Variants in TMC1 observed in about 807,000 individuals in gnomAD.
TMC1 encodes transmembrane channel-like protein 1.
In TMC1, 84 loss-of-function variants were observed where a neutral mutation model predicts 105.8. That is an observed-to-expected ratio of 0.79 (90% CI 0.67 to 0.95). The LOEUF is 0.95. TMC1 is among the 40% of genes least tolerant of loss of function. TMC1 has a pLI of 0.00. For missense variants in TMC1, 817 were observed against 914.1 expected (o/e 0.89, Z 1.37); for synonymous variants, 315 against 311.5 (o/e 1.01, Z -0.12).
chr9:72,592,442 T>G (rs1335022620), intron 2 of TMC1, among the ~76,000 whole-genome samples: 1 of 152,210 alleles, frequency 6.6e-6, no homozygotes, highest in Non-Finnish European at 1.5e-5. Context: ...CCTCTTTTTG[T>G]TGGTTCCACT....
intron 4 of TMC1, among the ~76,000 whole-genome samples, chr9:72,635,059 C>A (rs2132138433): frequency 6.6e-6 from 1 of 152,142 alleles, no homozygotes; most frequent in Non-Finnish European, 1.5e-5. Flanking sequence ...CAGTTTAAGA[C>A]CAGCCTGGCC....
intron 1 of TMC1, among the ~76,000 whole-genome samples, chr9:72,556,763 A>C (rs2132075719): frequency 6.6e-6 from 1 of 152,202 alleles, no homozygotes; most frequent in South Asian, 2.1e-4. Flanking sequence ...CGGAGGTTGC[A>C]GTGAGCCAGA....
chr9:72,746,648 C>G (rs1259996428), intron 10 of TMC1, among the ~76,000 whole-genome samples: 3 of 152,194 alleles, frequency 2.0e-5, no homozygotes, highest in Non-Finnish European at 2.9e-5. Flanking sequence ...TTTGCAGAAT[C>G]AAGAGCGGGA....
chr9:72,745,333 G>A (rs897271898), intron 10 of TMC1, among the ~76,000 whole-genome samples: 3 of 152,234 alleles, frequency 2.0e-5, no homozygotes, highest in Middle Eastern at 3.4e-3. Flanking sequence ...GGTTCAAAAC[G>A]TATGCTTTTC....
In TMC1 at chr9:72,789,217, C is replaced by G; in HGVS notation, c.1124C>G (p.Thr375Arg). 1 of 1,613,984 alleles carries G rather than the reference C, an allele frequency of 6.2e-7. No individual in the cohort carries two copies. Among genetic ancestry groups the G allele is most frequent in the Non-Finnish European group, 8.5e-7 (1 of 1,179,960 alleles). Residue 375 changes from threonine (T) to arginine (R), a missense_variant, in exon 15 of 24, where the codon ACA becomes AGA. By Grantham distance (71) the Thr-to-Arg change is moderately conservative (BLOSUM62 -1). Coordinates refer to ENST00000297784, the MANE Select transcript of TMC1 (RefSeq NM_138691.3). The stretch of plus-strand genomic sequence containing the variant: ...CTGGCTAACTTCTTCGTGTTTCTAA[C>G]ACTTGGAGGGAGTGGATACCTCATC... ...RFLANFFVFLTLGGSGYLIFW... is the reference protein window; with the variant it reads ...RFLANFFVFLRLGGSGYLIFW...
intron 1 of TMC1, among the ~76,000 whole-genome samples, chr9:72,577,089 A>T (rs1824394921): frequency 6.6e-6 from 1 of 152,156 alleles, no homozygotes; most frequent in African/African-American, 2.4e-5. Context: ...CAATTTAAGG[A>T]TAAATAATGT....
intron 1 of TMC1, among the ~76,000 whole-genome samples, chr9:72,563,234 T>C (rs1285085164): frequency 1.3e-5 from 2 of 152,064 alleles, no homozygotes; most frequent in Non-Finnish European, 2.9e-5. Flanking sequence ...TGAGATCAGA[T>C]TGAGAAAGGT....
chr9:72,548,566 TAA>T lies in TMC1; in HGVS notation c.-428+26670_-428+26671del, dbSNP rs778291472. ...TGGGTGACAGAGTGAGACTCTGTCT[TAA>T]AAAAAAAAAAAAAAAAGTCTACAGT... On this transcript the variant is annotated intron_variant, in intron 1 of 23. Transcript: ENST00000297784. Among the ~76,000 whole-genome samples the T allele has an allele frequency of 9.4e-3, 1,241 of 132,000 alleles. 19 individuals are homozygous for T. Among genetic ancestry groups the T allele is most frequent in the African/African-American group, 0.031 (1,136 of 36,628 alleles). 86.6% of individuals were successfully genotyped at this position (132,000 alleles called of 152,430 possible).
At chr9:72,579,688 C>T (rs1393673990) in intron 2 of TMC1, among the ~76,000 whole-genome samples, 5 of 152,158 alleles carry the variant, frequency 3.3e-5, no homozygotes, top group Non-Finnish European at 5.9e-5. Flanking sequence ...ATTCAATCTT[C>T]ACAACAGTCT....
chr9:72,660,589 A>T (rs1465721617), intron 5 of TMC1, among the ~76,000 whole-genome samples: 2 of 152,212 alleles, frequency 1.3e-5, no homozygotes, highest in African/African-American at 4.8e-5. Flanking sequence ...GCATATAGAT[A>T]CATCTTGGCC....
intron 1 of TMC1, among the ~76,000 whole-genome samples, chr9:72,573,175 T>G (rs541590447): frequency 6.6e-6 from 1 of 152,298 alleles, no homozygotes; most frequent in East Asian, 1.9e-4. Context: ...ACATGATATG[T>G]GCCTGGTCAT....
intron 17 of TMC1, among the ~76,000 whole-genome samples, chr9:72,793,867 A>G (rs1178452986): frequency 6.6e-6 from 1 of 152,188 alleles, no homozygotes; most frequent in African/African-American, 2.4e-5. Flanking sequence ...CTCTGCTAGA[A>G]TTATCGATCA....
intron 2 of TMC1, among the ~76,000 whole-genome samples, chr9:72,591,551 G>C (rs1824639587): frequency 6.6e-6 from 1 of 152,146 alleles, no homozygotes; most frequent in South Asian, 2.1e-4. Flanking sequence ...GTGGATTTGA[G>C]TATCACCTGG....
At chr9:72,683,354 CAT>C (rs1451312354) in intron 5 of TMC1, among the ~76,000 whole-genome samples, 5 of 152,158 alleles carry the variant, frequency 3.3e-5, no homozygotes, top group African/African-American at 1.2e-4. Flanking sequence ...CATGCATACA[CAT>C]GTGTAATTTT....
intron 8 of TMC1, among the ~76,000 whole-genome samples, chr9:72,715,865 T>G (rs895956640): frequency 6.6e-6 from 1 of 152,206 alleles, no homozygotes; most frequent in Non-Finnish European, 1.5e-5. Flanking sequence ...ATGTTCAGCC[T>G]TTTCGCACTG....
chr9:72,699,712 A>G lies in TMC1; in HGVS notation c.237-806A>G, dbSNP rs1034241475. ...TGGCTCACACCTGTAATCCCAGCAC[A>G]TTGGGAGGCCGGGGAGGGTGGATCA... On this transcript the variant is annotated intron_variant, in intron 7 of 23. Coordinates refer to ENST00000297784, the MANE Select transcript of TMC1 (RefSeq NM_138691.3). 2.6e-5 allele frequency among the ~76,000 whole-genome samples: 4 copies of G among 151,738 alleles called. No homozygotes were observed. The South Asian group carries it at 8.3e-4, about 31-fold the overall frequency.
At chr9:72,548,069 C>T (rs1823801872) in intron 1 of TMC1, among the ~76,000 whole-genome samples, 1 of 152,140 alleles carries the variant, frequency 6.6e-6, no homozygotes, top group Admixed American at 6.5e-5. Flanking sequence ...CAAAAGGCTT[C>T]ATCTCCAAAT....
chr9:72,673,846 G>T (rs1826162517), intron 5 of TMC1, among the ~76,000 whole-genome samples: 1 of 152,084 alleles, frequency 6.6e-6, no homozygotes, highest in Non-Finnish European at 1.5e-5. Context: ...CAATATTTAA[G>T]GAGAAAGTAA....
chr9:72,655,081 C>T (rs558026070), intron 5 of TMC1, among the ~76,000 whole-genome samples: 10 of 152,248 alleles, frequency 6.6e-5, no homozygotes, highest in Middle Eastern at 3.4e-3. Flanking sequence ...GAGGGCCGTT[C>T]GCCCCATGCT....
Sources: gnomAD v4.1 joint callset for allele counts (sites outside exome capture counted in the v4.1 genomes callset) on GRCh38, gnomAD v4.1.1 for gene constraint, MANE v1.5 for transcripts, NCBI Gene and HGNC (gene_info 2026-07-23, HGNC 2026-07-21) for gene names.